The following GOLGA7B variants were observed in gnomAD, a reference collection of about 807,000 sequenced individuals.
GOLGA7B encodes the protein golgin A7 family member B.
In GOLGA7B, 17 loss-of-function variants were observed where a neutral mutation model predicts 21.5. That is an observed-to-expected ratio of 0.79 (90% CI 0.54 to 1.19). The LOEUF (loss-of-function observed/expected upper bound fraction) is 1.19, where lower values mean the gene tolerates loss of function less well. GOLGA7B is among the 50% of genes most tolerant of loss of function. The pLI is 0.00. For missense variants in GOLGA7B, 169 were observed against 224.4 expected (o/e 0.75, Z 1.58); for synonymous variants, 87 against 84.0 (o/e 1.04, Z -0.19).
chr10:97,856,492 T>C (rs772060223), intron 1 of GOLGA7B, among the ~76,000 whole-genome samples: 1 of 152,204 alleles, frequency 6.6e-6, no homozygotes, highest in Non-Finnish European at 1.5e-5. Context: ...TGATGGTTGT[T>C]ACTCTGAAGT....
At chr10:97,854,152 G>C (rs2049920950) in intron 1 of GOLGA7B, among the ~76,000 whole-genome samples, 1 of 152,172 alleles carries the variant, frequency 6.6e-6, no homozygotes, top group Non-Finnish European at 1.5e-5. Context: ...ATTAGCCCCA[G>C]GCCCCACCTG....
intron 4 of GOLGA7B, 26 bp downstream of exon 4, chr10:97,864,295 G>A: frequency 6.3e-7 from 1 of 1,580,204 alleles, no homozygotes; most frequent in East Asian, 2.2e-5. Flanking sequence ...ATTCTGTGTT[G>A]AGGGCACAGG....
chr10:97,858,199 G>A (rs1020501351), intron 1 of GOLGA7B, among the ~76,000 whole-genome samples: 3 of 152,120 alleles, frequency 2.0e-5, no homozygotes, highest in Non-Finnish European at 4.4e-5. Context: ...GGCTTCAGGA[G>A]GCCTTTTCTG....
Position 97,865,587 on chromosome 10 carries a change from C to G in GOLGA7B, c.394-3C>G, listed in dbSNP as rs1446555803. 2.5e-6 allele frequency: 4 copies of G among 1,613,104 alleles called. No homozygotes were observed. In the African/African-American group the frequency reaches 5.3e-5, roughly 22 times the overall value. ...CGCAGCTCTCCTTAACCACCGACCC[C>G]AGATTGAGATCTCCATCTACGAGGA... On this transcript the variant is annotated splice_polypyrimidine_tract_variant and splice_region_variant and intron_variant, in intron 4 of 4. Transcript: ENST00000370602.
intron 1 of GOLGA7B, among the ~76,000 whole-genome samples, chr10:97,858,142 G>A (rs889803205): frequency 6.6e-6 from 1 of 152,096 alleles, no homozygotes; most frequent in Admixed American, 6.5e-5. Flanking sequence ...CTCTCTGCCT[G>A]CCCCCTGCTA....
intron 1 of GOLGA7B, among the ~76,000 whole-genome samples, chr10:97,853,415 C>T (rs1352140619): frequency 6.6e-6 from 1 of 152,190 alleles, no homozygotes; most frequent in Non-Finnish European, 1.5e-5. Flanking sequence ...CACTCTAGAG[C>T]TTGTTCCTCT....
At chr10:97,856,646 T>C (rs2136514184) in intron 1 of GOLGA7B, among the ~76,000 whole-genome samples, 1 of 152,348 alleles carries the variant, frequency 6.6e-6, no homozygotes, top group South Asian at 2.1e-4. Context: ...TTTTTAGTTA[T>C]TTAAGAAATC....
intron 1 of GOLGA7B, among the ~76,000 whole-genome samples, chr10:97,851,990 G>A (rs2049908577): frequency 6.6e-6 from 1 of 152,278 alleles, no homozygotes; most frequent in African/African-American, 2.4e-5. Flanking sequence ...GCAGCCCTAT[G>A]AAGTGGGTAA....
At chr10:97,864,745 C>T (rs905695409) in intron 4 of GOLGA7B, among the ~76,000 whole-genome samples, 4 of 152,120 alleles carry the variant, frequency 2.6e-5, no homozygotes, top group Admixed American at 6.5e-5. Context: ...CGTGGCAGGT[C>T]GCATTGTCCT....
intron 2 of GOLGA7B, 30 bp downstream of exon 2, chr10:97,859,613 C>A (rs1481011853): frequency 4.3e-6 from 7 of 1,610,048 alleles, no homozygotes; most frequent in Non-Finnish European, 5.9e-6. Flanking sequence ...CACTTGGAAC[C>A]CAGGGCTGTG....
At chr10:97,852,182 T>C (rs1444480489) in intron 1 of GOLGA7B, among the ~76,000 whole-genome samples, 2 of 152,182 alleles carry the variant, frequency 1.3e-5, no homozygotes, top group Non-Finnish European at 2.9e-5. Flanking sequence ...AGAACTTGAG[T>C]CTTCTGCCTC....
At chr10:97,851,674 A>G (rs1266654915) in intron 1 of GOLGA7B, among the ~76,000 whole-genome samples, 1 of 152,238 alleles carries the variant, frequency 6.6e-6, no homozygotes, top group Admixed American at 6.5e-5. Context: ...GCTGTGTTGG[A>G]CAGAAAAGGG....
chr10:97,865,941 G>T lies in GOLGA7B; in HGVS notation c.*241G>T. ...CTGGGGGCTTTTCCTTCCCGATGGG[G>T]CTGGTCTGGGCCACACAGAGACAGA... On this transcript the variant is annotated 3_prime_UTR_variant, in exon 5 of 5. Transcript: ENST00000370602. 3.4e-6 allele frequency: 2 copies of T among 582,498 alleles called. No homozygotes were observed. The highest frequency in any genetic ancestry group is 2.8e-6 in the Non-Finnish European group (1 of 350,906). 36.1% of individuals were successfully genotyped at this position (582,498 alleles called of 1,614,324 possible).
At chr10:97,854,604 A>G (rs146490632) in intron 1 of GOLGA7B, among the ~76,000 whole-genome samples, 74 of 152,324 alleles carry the variant, frequency 4.9e-4, no homozygotes, top group African/African-American at 1.7e-3. Context: ...GGAGAGAAGC[A>G]GATCTCTGGT....
At chr10:97,860,931 G>C (rs148486990) in intron 2 of GOLGA7B, among the ~76,000 whole-genome samples, 44 of 152,282 alleles carry the variant, frequency 2.9e-4, no homozygotes, top group Non-Finnish European at 5.4e-4. Flanking sequence ...ATCTCCTGGT[G>C]GGGGAGACTT....
In GOLGA7B at chr10:97,867,394, C is replaced by G. The variant is rs1311806893; in HGVS notation, c.*1694C>G. The G allele has an allele frequency of 6.6e-6, 1 of 152,246 alleles. No individual in the cohort carries two copies. 9.4% of individuals were successfully genotyped at this position (152,246 alleles called of 1,614,324 possible). A position where few individuals can be genotyped will look rare whatever the true frequency, so the allele number is the denominator to read the frequency against. The stretch of plus-strand genomic sequence containing the variant: ...AGGTGTTAGAAGTGGATGTGCAAGA[C>G]CAGCCACTGGAGGTAGCTCTCTGGA... On this transcript the variant is annotated 3_prime_UTR_variant, in exon 5 of 5. Coordinates refer to ENST00000370602, the MANE Select transcript of GOLGA7B (RefSeq NM_001010917.3).
intron 1 of GOLGA7B, among the ~76,000 whole-genome samples, chr10:97,858,605 G>C (rs1326331669): frequency 6.6e-6 from 1 of 152,206 alleles, no homozygotes; most frequent in South Asian, 2.1e-4. Context: ...ATGTGCACAA[G>C]GGACAGATAT....
In GOLGA7B at chr10:97,862,625, G is replaced by A. The variant is rs528893311; in HGVS notation, c.139-1305G>A. Among the ~76,000 whole-genome samples the A allele has an allele frequency of 2.3e-4, 35 of 152,286 alleles. 2 individuals are homozygous for A. In the South Asian group the frequency reaches 7.3e-3, roughly 32 times the overall value. ...GGTAGGCTGAGGAAGAGGAGGAACA[G>A]GACAGGTGGATCTTGCTGTCTCAGG... On this transcript the variant is annotated intron_variant, in intron 2 of 4. Transcript: ENST00000370602.
intron 1 of GOLGA7B, among the ~76,000 whole-genome samples, chr10:97,853,852 G>A (rs1302269087): frequency 6.6e-6 from 1 of 152,234 alleles, no homozygotes; most frequent in African/African-American, 2.4e-5. Flanking sequence ...GTGGCCTGGA[G>A]CCTGGCTTAG....
Sources: gnomAD v4.1 joint callset for allele counts (sites outside exome capture counted in the v4.1 genomes callset) on GRCh38, gnomAD v4.1.1 for gene constraint, MANE v1.5 for transcripts, NCBI Gene and HGNC (gene_info 2026-07-23, HGNC 2026-07-21) for gene names.